The following CBLB variants were observed in gnomAD, a reference collection of about 807,000 sequenced individuals.
CBLB encodes the protein E3 ubiquitin-protein ligase CBL-B.
In CBLB, 31 loss-of-function variants were observed where a neutral mutation model predicts 104.9. The ratio of observed to expected loss-of-function variants is 0.30; its 90% CI spans 0.22 to 0.40. The LOEUF (loss-of-function observed/expected upper bound fraction) is 0.40, where lower values mean the gene tolerates loss of function less well. Ranked by LOEUF, CBLB falls within the 10% of genes least tolerant of loss-of-function variation. CBLB has a pLI of 1.00. For synonymous variants in CBLB, 440 were observed against 422.6 expected (o/e 1.04, Z -0.51); for missense variants, 1,062 against 1,214.6 (o/e 0.87, Z 1.87).
At chr3:105,812,768 G>T (rs971033945) in intron 3 of CBLB, among the ~76,000 whole-genome samples, 2 of 152,238 alleles carry the variant, frequency 1.3e-5, no homozygotes, top group South Asian at 4.1e-4. Flanking sequence ...CTTATTCTTT[G>T]TGCTTCCTAT....
intron 3 of CBLB, among the ~76,000 whole-genome samples, chr3:105,787,283 G>A (rs2081136091): frequency 6.6e-6 from 1 of 152,076 alleles, no homozygotes; most frequent in South Asian, 2.1e-4. Context: ...TTGGATACTT[G>A]GTTTACATTT....
chr3:105,770,334 C>T (rs543082224), intron 4 of CBLB, among the ~76,000 whole-genome samples: 1 of 152,206 alleles, frequency 6.6e-6, no homozygotes, highest in East Asian at 1.9e-4. Flanking sequence ...GTACACATCC[C>T]CACCAGGGAA....
chr3:105,764,221 C>T (rs879502336), intron 4 of CBLB, among the ~76,000 whole-genome samples: 1 of 151,826 alleles, frequency 6.6e-6, no homozygotes, highest in Admixed American at 6.6e-5. Context: ...CACTATTAGT[C>T]CAGTGGTTCC....
chr3:105,770,587 C>T (rs1484865279), intron 4 of CBLB, among the ~76,000 whole-genome samples: 1 of 152,090 alleles, frequency 6.6e-6, no homozygotes, highest in Non-Finnish European at 1.5e-5. Flanking sequence ...GGAACAAATT[C>T]CCTTGAACAG....
At position 105,853,586 on chromosome 3, in the gene CBLB, G is replaced by C. The variant is rs1267250120; in HGVS notation, c.247C>G (p.Gln83Glu). The change falls in exon 3 of 19, where the codon CAG (glutamine) becomes GAG (glutamate). Residue 83 changes from glutamine (Q) to glutamate (E), a missense_variant. This residue lies in a region of CBLB where 457 missense variants were observed against 632.0 expected (regional missense o/e 0.72). Coordinates refer to ENST00000394030, the MANE Select transcript of CBLB (RefSeq NM_170662.5). The stretch of plus-strand genomic sequence containing the variant: ...TTACTCAATATAAGTCGTAAATGCT[G>C]ATATGTATCAGGCAAAATATCAAGT... ...YILDILPDTY[Q>E]HLRLILSKYD... The C allele has an allele frequency of 6.2e-7, 1 of 1,611,518 alleles. No homozygotes were observed. The highest frequency in any genetic ancestry group is 8.5e-7 in the Non-Finnish European group (1 of 1,178,150).
intron 3 of CBLB, among the ~76,000 whole-genome samples, chr3:105,843,741 T>G (rs1384853969): frequency 6.6e-6 from 1 of 152,190 alleles, no homozygotes; most frequent in African/African-American, 2.4e-5. Context: ...TGAAAAAAAC[T>G]TATTTCAGCT....
At chr3:105,776,654 T>C (rs752971119) in intron 3 of CBLB, 112 bp from the exon 4 acceptor site, 3 of 997,782 alleles carry the variant, frequency 3.0e-6, no homozygotes, top group Non-Finnish European at 4.6e-6. Flanking sequence ...TCAACGTATG[T>C]CTTGGTGGTT....
chr3:105,775,622 G>T lies in CBLB; in HGVS notation c.566+774C>A, dbSNP rs115498219. On this transcript the variant is annotated intron_variant, in intron 4 of 18. Coordinates refer to ENST00000394030, the MANE Select transcript of CBLB (RefSeq NM_170662.5). ...TCTCATTAAAGGTAATTCTTAAAAG[G>T]TTACTGGGGAAACCACTTGCCTCCT... Among the ~76,000 whole-genome samples, 1,028 of 152,220 alleles carry T rather than the reference G, an allele frequency of 6.8e-3. 16 individuals are homozygous for T. The highest frequency in any genetic ancestry group is 0.023 in the African/African-American group (967 of 41,538).
chr3:105,830,662 TATAA>T (rs976422750), intron 3 of CBLB, among the ~76,000 whole-genome samples: 1 of 152,264 alleles, frequency 6.6e-6, no homozygotes, highest in Non-Finnish European at 1.5e-5. Context: ...AATCTGTTTA[TATAA>T]TTTCAGAAAC....
chr3:105,867,647 C>A, intron 1 of CBLB, 56 bp from the exon 2 acceptor site: 1 of 1,487,256 alleles, frequency 6.7e-7, no homozygotes, highest in South Asian at 1.1e-5. Context: ...AATATTTACC[C>A]ACCAGAAAAC....
At chr3:105,842,017 G>GAA (rs1261273271) in intron 3 of CBLB, among the ~76,000 whole-genome samples, 1 of 134,178 alleles carries the variant, frequency 7.5e-6, no homozygotes, top group Non-Finnish European at 1.6e-5. Flanking sequence ...TTCCTCTGGA[G>GAA]AAAAAAAAAA....
chr3:105,695,888 C>A (rs192024920), intron 12 of CBLB, among the ~76,000 whole-genome samples: 5 of 151,780 alleles, frequency 3.3e-5, no homozygotes, highest in Admixed American at 2.6e-4. Context: ...GCTTTACACA[C>A]AGTAAGGCTT....
At chr3:105,765,765 T>A (rs961465820) in intron 4 of CBLB, among the ~76,000 whole-genome samples, 2 of 152,314 alleles carry the variant, frequency 1.3e-5, no homozygotes, top group East Asian at 3.9e-4. Flanking sequence ...GTACTGCTCA[T>A]TGGCAATGCC....
chr3:105,666,824 G>C (rs1290793472), intron 18 of CBLB, among the ~76,000 whole-genome samples: 1 of 152,152 alleles, frequency 6.6e-6, no homozygotes, highest in Non-Finnish European at 1.5e-5. Flanking sequence ...AACAACTCTA[G>C]GTTCTCTGGC....
intron 3 of CBLB, among the ~76,000 whole-genome samples, chr3:105,780,490 GTAATTT>G (rs1445600809): frequency 6.6e-6 from 1 of 151,986 alleles, no homozygotes; most frequent in African/African-American, 2.4e-5. Flanking sequence ...TCTTACAAAT[GTAATTT>G]TAATTTTAAT....
chr3:105,664,608 CG>C (rs1263764411), intron 18 of CBLB, among the ~76,000 whole-genome samples: 2 of 151,986 alleles, frequency 1.3e-5, no homozygotes, highest in Non-Finnish European at 2.9e-5. Context: ...GTATAATATG[CG>C]CATAATTAGA....
In CBLB at chr3:105,670,361, T is replaced by C; in HGVS notation, c.2570-9A>G. On this transcript the variant is annotated splice_polypyrimidine_tract_variant and intron_variant, in intron 17 of 18. Transcript: ENST00000394030. ...TAGATCAACAAAGGGATCTTAAAAA[T>C]AAAAACAAGTTTCAAATTAAAAGGA... 2 of 1,608,012 alleles carry C rather than the reference T, an allele frequency of 1.2e-6. No individual in the cohort carries two copies. The highest frequency in any genetic ancestry group is 1.7e-6 in the Non-Finnish European group (2 of 1,175,288).
At chr3:105,702,591 T>G (rs2069388566) in intron 11 of CBLB, 132 bp from the exon 12 acceptor site, 4 of 919,978 alleles carry the variant, frequency 4.3e-6, no homozygotes, top group Non-Finnish European at 6.3e-6. Flanking sequence ...ACTAGATTCC[T>G]GTGCCATCTT....
chr3:105,848,096 T>C (rs150646389), intron 3 of CBLB, among the ~76,000 whole-genome samples: 3 of 152,134 alleles, frequency 2.0e-5, no homozygotes, highest in Admixed American at 2.0e-4. Flanking sequence ...CAGCTCAGAA[T>C]GGTTTAGACA....
Sources: gnomAD v4.1 joint callset for allele counts (sites outside exome capture counted in the v4.1 genomes callset) on GRCh38, gnomAD v4.1.1 for gene constraint, gnomAD v4.1.1 regional missense constraint, MANE v1.5 for transcripts, NCBI Gene and HGNC (gene_info 2026-07-23, HGNC 2026-07-21) for gene names.